BBS7: variants seen among roughly 807,000 people sequenced by gnomAD.
BBS7 encodes BBSome complex member BBS7.
Under a neutral mutation model 90.3 loss-of-function variants are expected in BBS7, and 50 were observed. The ratio of observed to expected loss-of-function variants is 0.55; its 90% CI spans 0.44 to 0.70. The LOEUF (loss-of-function observed/expected upper bound fraction) is 0.70. Ranked by LOEUF, BBS7 falls within the 30% of genes least tolerant of loss-of-function variation. The pLI is 0.00. For missense variants in BBS7, 729 were observed against 838.9 expected (o/e 0.87, Z 1.62); for synonymous variants, 235 against 287.4 (o/e 0.82, Z 1.85).
At chr4:121,845,779 T>C in intron 10 of BBS7, 83 bp from the exon 11 acceptor site, 1 of 1,333,734 alleles carries the variant, frequency 7.5e-7, no homozygotes, top group Non-Finnish European at 1.1e-6. Flanking sequence ...TTTGAGACAT[T>C]TGCTTTTACA....
chr4:121,827,557 A>T (rs1271648882), intron 18 of BBS7, among the ~76,000 whole-genome samples: 1 of 152,212 alleles, frequency 6.6e-6, no homozygotes, highest in Non-Finnish European at 1.5e-5. Context: ...TGCTATATAC[A>T]ACAGGTCTTA....
At chr4:121,841,641 A>G (rs1048001160) in intron 12 of BBS7, among the ~76,000 whole-genome samples, 11 of 152,136 alleles carry the variant, frequency 7.2e-5, no homozygotes, top group Non-Finnish European at 1.3e-4. Flanking sequence ...TAGTCTTTCT[A>G]CTTTTGTGTA....
At chr4:121,828,110 G>C in intron 18 of BBS7, 36 bp downstream of exon 18, 1 of 1,610,690 alleles carries the variant, frequency 6.2e-7, no homozygotes, top group Non-Finnish European at 8.5e-7. Flanking sequence ...CAGTTGAAAA[G>C]AAATATGGCA....
At chr4:121,828,868 G>A in intron 15 of BBS7, 140 bp from the exon 16 acceptor site, 1 of 529,028 alleles carries the variant, frequency 1.9e-6, no homozygotes, top group South Asian at 3.5e-5. Context: ...TTAATATAAA[G>A]CAAATTTAAA....
chr4:121,854,206 C>T (rs929680404), intron 7 of BBS7, among the ~76,000 whole-genome samples: 2 of 152,150 alleles, frequency 1.3e-5, no homozygotes, highest in African/African-American at 4.8e-5. Flanking sequence ...TACTCTGTCT[C>T]TCCTAATAAG....
At chr4:121,868,714 A>AG (rs1727421224) in intron 1 of BBS7, among the ~76,000 whole-genome samples, 1 of 136,730 alleles carries the variant, frequency 7.3e-6, no homozygotes, top group African/African-American at 2.6e-5. Context: ...AAAAAAAAAA[A>AG]AAGAAGATTT....
At chr4:121,857,808 C>CTTTTTTTT (rs5861541) in intron 5 of BBS7, among the ~76,000 whole-genome samples, 8 of 132,386 alleles carry the variant, frequency 6.0e-5, no homozygotes, top group East Asian at 4.3e-4. Context: ...TTTTTCTTTT[C>CTTTTTTTT]TTTTTTTTTT....
At position 121,836,453 on chromosome 4, in the gene BBS7, T is replaced by C. The variant is rs181947356; in HGVS notation, c.1372-1170A>G. Among the ~76,000 whole-genome samples the C allele has an allele frequency of 1.4e-4, 21 of 152,326 alleles. 1 individual carries two copies. Among genetic ancestry groups the C allele is most frequent in the Admixed American group, 1.2e-3 (19 of 15,296 alleles). On this transcript the variant is annotated intron_variant, in intron 13 of 18. Transcript: ENST00000264499. Reference sequence around the variant, plus strand: ...TTATATCATTATAGATAAAAATATATTCAAATTATACATAGAGGTTTTATC... The same window carrying C: ...TTATATCATTATAGATAAAAATATACTCAAATTATACATAGAGGTTTTATC...
chr4:121,863,283 T>C lies in BBS7; in HGVS notation c.103-4A>G, dbSNP rs374281147. On this transcript the variant is annotated splice_polypyrimidine_tract_variant and splice_region_variant and intron_variant, in intron 2 of 18. Transcript: ENST00000264499. ...CATCATGATCTCCAATAACCACCTGTAATAGATGGAAGATAATCTAAAATT... is the reference window on the plus strand; with the variant it reads ...CATCATGATCTCCAATAACCACCTGCAATAGATGGAAGATAATCTAAAATT... 7 of 1,610,318 alleles carry C rather than the reference T, an allele frequency of 4.3e-6. No homozygotes were observed. In the Middle Eastern group the frequency reaches 6.6e-4, roughly 151 times the overall value.
chr4:121,836,969 T>G (rs564176924), intron 13 of BBS7, among the ~76,000 whole-genome samples: 26 of 80,808 alleles, frequency 3.2e-4, no homozygotes, highest in African/African-American at 8.5e-4. Flanking sequence ...GTTTTTTTTG[T>G]TTTTTTTTGA....
chr4:121,847,329 T>C, intron 10 of BBS7, 75 bp downstream of exon 10: 1 of 925,868 alleles, frequency 1.1e-6, no homozygotes, highest in Admixed American at 1.8e-5. Flanking sequence ...ATATACTGCA[T>C]CTATAAGTAA....
At chr4:121,831,644 C>A (rs1051411216) in intron 15 of BBS7, among the ~76,000 whole-genome samples, 2 of 152,064 alleles carry the variant, frequency 1.3e-5, no homozygotes, top group African/African-American at 4.8e-5. Context: ...CATTGTGGTA[C>A]TTCAAAATGG....
At chr4:121,861,978 A>G (rs1217950484) in intron 3 of BBS7, among the ~76,000 whole-genome samples, 3 of 152,222 alleles carry the variant, frequency 2.0e-5, no homozygotes, top group Admixed American at 1.3e-4. Context: ...TTTAAAATGC[A>G]GCAGATCAAC....
intron 7 of BBS7, among the ~76,000 whole-genome samples, 177 bp downstream of exon 7, chr4:121,854,527 T>A (rs1364284485): frequency 6.6e-6 from 1 of 152,158 alleles, no homozygotes; most frequent in Non-Finnish European, 1.5e-5. Flanking sequence ...TTCTTACTTT[T>A]AAAAAATTAT....
chr4:121,848,188 A>T (rs748404318), intron 9 of BBS7, among the ~76,000 whole-genome samples: 2 of 152,206 alleles, frequency 1.3e-5, no homozygotes, highest in Non-Finnish European at 2.9e-5. Flanking sequence ...GTGATTGACT[A>T]ATACAGCAGC....
chr4:121,870,446 G>A lies in BBS7; in HGVS notation c.-133C>T. 1 of 983,148 alleles carries A rather than the reference G, an allele frequency of 1.0e-6. No homozygotes were observed. Among genetic ancestry groups the A allele is most frequent in the South Asian group, 1.4e-5 (1 of 73,202 alleles). The allele number at this position is 983,148 out of a possible 1,614,324, so 60.9% of individuals were successfully genotyped here. On this transcript the variant is annotated 5_prime_UTR_variant, in exon 1 of 19. Transcript: ENST00000264499. ...AGCCAGCCCCAGCTACCGCGCCTAG[G>A]TCCTGGGCTGCACAGGCGGGGCGAC...
intron 15 of BBS7, among the ~76,000 whole-genome samples, chr4:121,830,485 A>G (rs1380797502): frequency 6.6e-6 from 1 of 152,242 alleles, no homozygotes; most frequent in East Asian, 1.9e-4. Flanking sequence ...TATGTTTTAG[A>G]AATCATGACA....
chr4:121,851,116 A>G (rs931965981), intron 8 of BBS7, among the ~76,000 whole-genome samples: 3 of 152,184 alleles, frequency 2.0e-5, no homozygotes, highest in African/African-American at 7.2e-5. Flanking sequence ...TACTTATCCA[A>G]TAGAAACACG....
intron 13 of BBS7, among the ~76,000 whole-genome samples, chr4:121,838,080 G>A (rs1725544087): frequency 6.6e-6 from 1 of 151,158 alleles, no homozygotes; most frequent in African/African-American, 2.4e-5. Context: ...TTCCAGTCTG[G>A]GCGACAGAGC....
Sources: allele counts gnomAD v4.1 joint callset (sites outside exome capture counted in the v4.1 genomes callset), GRCh38; gene constraint gnomAD v4.1.1; transcripts MANE v1.5; gene names NCBI Gene and HGNC (gene_info 2026-07-23, HGNC 2026-07-21).